The following FHIP1A variants were observed in gnomAD, a reference collection of about 807,000 sequenced individuals.
FHIP1A encodes the protein FHF complex subunit HOOK interacting protein 1A, also known as FHF complex subunit HOOK-interacting protein 1A.
A neutral mutation model predicts 88.6 loss-of-function variants in FHIP1A; 61 were observed. The observed-to-expected ratio is 0.69, with a 90% confidence interval of 0.56 to 0.85. The LOEUF is 0.85. FHIP1A is among the 40% of genes least tolerant of loss of function. The pLI, the probability that FHIP1A is intolerant of heterozygous loss-of-function variation, is 0.00. For synonymous variants in FHIP1A, 478 were observed against 496.0 expected (o/e 0.96, Z 0.48); for missense variants, 1,154 against 1,273.5 (o/e 0.91, Z 1.43).
chr4:151,489,420 T>C lies in FHIP1A; in HGVS notation c.-123+6772T>C, dbSNP rs1031918141. Among the ~76,000 whole-genome samples the C allele has an allele frequency of 2.0e-5, 3 of 152,032 alleles. No individual in the cohort carries two copies. In the East Asian group the frequency reaches 5.8e-4, roughly 29 times the overall value. On this transcript the variant is annotated intron_variant, in intron 3 of 13. Transcript: ENST00000435205. The stretch of plus-strand genomic sequence containing the variant: ...ACTCCTAGCTGAACTTTGTAATAAT[T>C]TTGACTGAGCACGAATTTTCCTGAG...
rs1560829289 is a variant in FHIP1A, at chr4:151,662,487, C to G, written c.2870-14C>G. The G allele has an allele frequency of 6.6e-7, 1 of 1,510,646 alleles. No homozygotes were observed. Among genetic ancestry groups the G allele is most frequent in the East Asian group, 2.5e-5 (1 of 40,324 alleles). 93.6% of individuals were successfully genotyped at this position (1,510,646 alleles called of 1,614,324 possible). On this transcript the variant is annotated splice_polypyrimidine_tract_variant and intron_variant, in intron 13 of 13. Coordinates refer to ENST00000435205, the MANE Select transcript of FHIP1A (RefSeq NM_001109977.3). The stretch of plus-strand genomic sequence containing the variant: ...TATGGAGGGACACCATGATGGTTTT[C>G]TTTCTGCTTTCAGATCCCATTCAGG...
intron 3 of FHIP1A, among the ~76,000 whole-genome samples, chr4:151,562,410 G>A (rs1051551171): frequency 2.0e-5 from 3 of 152,110 alleles, no homozygotes; most frequent in Non-Finnish European, 4.4e-5. Flanking sequence ...CTGTGTTCTT[G>A]ATCTCACCTT....
In FHIP1A at chr4:151,444,131, C is replaced by T. The variant is rs1580571725; in HGVS notation, c.-355-10570C>T. On this transcript the variant is annotated intron_variant, in intron 1 of 13. Transcript: ENST00000435205. Reference sequence around the variant, plus strand: ...CGTCTGTGAGCGCATACTCCTTACCCTGTGTTCCAGGAATTTGTTGAAATC... The same window carrying T: ...CGTCTGTGAGCGCATACTCCTTACCTTGTGTTCCAGGAATTTGTTGAAATC... 2.0e-5 allele frequency among the ~76,000 whole-genome samples: 3 copies of T among 152,162 alleles called. No homozygotes were observed. In the South Asian group the frequency reaches 6.2e-4, roughly 32 times the overall value.
intron 7 of FHIP1A, among the ~76,000 whole-genome samples, chr4:151,598,088 A>C (rs1354994350): frequency 2.6e-5 from 4 of 151,968 alleles, no homozygotes; most frequent in African/African-American, 9.7e-5. Context: ...TAAAAAAAAA[A>C]CAGCTCTTGC....
At chr4:151,450,300 C>T (rs1728746548) in intron 1 of FHIP1A, among the ~76,000 whole-genome samples, 1 of 152,112 alleles carries the variant, frequency 6.6e-6, no homozygotes, top group African/African-American at 2.4e-5. Context: ...TGATTTCACT[C>T]AAATAAGATC....
intron 2 of FHIP1A, among the ~76,000 whole-genome samples, chr4:151,468,752 T>C (rs532710051): frequency 1.3e-5 from 2 of 152,302 alleles, no homozygotes; most frequent in East Asian, 3.9e-4. Context: ...AGGGCCTCAT[T>C]TGTCTGAATA....
At chr4:151,437,783 T>C (rs887494103) in intron 1 of FHIP1A, among the ~76,000 whole-genome samples, 7 of 152,188 alleles carry the variant, frequency 4.6e-5, no homozygotes, top group African/African-American at 1.7e-4. Flanking sequence ...AGAAAGCCTA[T>C]TGAAATGAAG....
chr4:151,438,446 T>C (rs1728285435), intron 1 of FHIP1A, among the ~76,000 whole-genome samples: 1 of 152,076 alleles, frequency 6.6e-6, no homozygotes, highest in African/African-American at 2.4e-5. Flanking sequence ...TTAATTCTTT[T>C]CATTGTATTT....
chr4:151,515,868 T>C (rs1445053242), intron 3 of FHIP1A, among the ~76,000 whole-genome samples: 1 of 152,128 alleles, frequency 6.6e-6, no homozygotes, highest in Admixed American at 6.5e-5. Context: ...AAAATGGCCA[T>C]ACTGCCCAAG....
chr4:151,418,193 AAAC>A (rs1561486637), intron 1 of FHIP1A, among the ~76,000 whole-genome samples: 1 of 151,290 alleles, frequency 6.6e-6, no homozygotes, highest in African/African-American at 2.4e-5. Flanking sequence ...AAAAAAAAAA[AAAC>A]AAGAGAAACT....
chr4:151,462,897 G>A (rs536462170), intron 2 of FHIP1A, among the ~76,000 whole-genome samples: 2 of 152,250 alleles, frequency 1.3e-5, no homozygotes, highest in African/African-American at 2.4e-5. Context: ...ACTTAGTATT[G>A]TATTTTATGC....
At chr4:151,625,098 G>A (rs1420278448) in intron 7 of FHIP1A, among the ~76,000 whole-genome samples, 1 of 152,228 alleles carries the variant, frequency 6.6e-6, no homozygotes, top group Admixed American at 6.5e-5. Context: ...GGCAGCAGCG[G>A]GTAGGCTCGT....
rs1040393362 is a variant in FHIP1A at position 151,566,277 on chromosome 4, G to A, written c.18G>A (p.Ser6=). 19 of 1,549,648 alleles carry A rather than the reference G, an allele frequency of 1.2e-5. No individual in the cohort carries two copies. The highest frequency in any genetic ancestry group is 7.9e-5 in the Admixed American group (4 of 50,888). Residue 6 remains serine, a synonymous_variant, in exon 4 of 14, where the codon TCG becomes TCA. Coordinates refer to ENST00000435205, the MANE Select transcript of FHIP1A (RefSeq NM_001109977.3). ...GAAGGCTTATGATGTCATCGGTTTC[G>A]ACAGAAAGCAAACTCCAGCAGGCTG... is the stretch of plus-strand genomic sequence containing the variant. The part of the protein sequence containing the change: MMSSV[S]TESKLQQAVS...
intron 7 of FHIP1A, among the ~76,000 whole-genome samples, chr4:151,602,338 A>G (rs1003825247): frequency 1.3e-5 from 2 of 152,220 alleles, no homozygotes; most frequent in African/African-American, 4.8e-5. Context: ...TGTTTGTTCA[A>G]AGACCATTTA....
chr4:151,550,248 T>A (rs1732673365), intron 3 of FHIP1A, among the ~76,000 whole-genome samples: 1 of 152,130 alleles, frequency 6.6e-6, no homozygotes, highest in Admixed American at 6.5e-5. Flanking sequence ...ACTATCCAAT[T>A]GTACTCTGAT....
At chr4:151,416,252 G>C (rs1048669981) in intron 1 of FHIP1A, among the ~76,000 whole-genome samples, 2 of 152,152 alleles carry the variant, frequency 1.3e-5, no homozygotes, top group African/African-American at 2.4e-5. Context: ...AGTTTTTACT[G>C]AATGTCTAAA....
intron 7 of FHIP1A, among the ~76,000 whole-genome samples, chr4:151,602,100 G>A (rs752985847): frequency 6.6e-5 from 10 of 152,038 alleles, no homozygotes; most frequent in Non-Finnish European, 1.3e-4. Flanking sequence ...TCCTTCCCAC[G>A]ACATGTGGGA....
intron 7 of FHIP1A, 21 bp downstream of exon 7, chr4:151,588,947 A>G (rs375886113): frequency 6.9e-7 from 1 of 1,440,510 alleles, no homozygotes; most frequent in East Asian, 2.5e-5. Context: ...GGCTCATGTA[A>G]TCTTCTGTCT....
intron 3 of FHIP1A, among the ~76,000 whole-genome samples, chr4:151,491,596 G>A (rs1580627775): frequency 6.6e-6 from 1 of 151,882 alleles, no homozygotes; most frequent in East Asian, 1.9e-4. Context: ...AAAACACAAG[G>A]TATTGAGGCA....
Sources: allele counts gnomAD v4.1 joint callset (sites outside exome capture counted in the v4.1 genomes callset), GRCh38; gene constraint gnomAD v4.1.1; transcripts MANE v1.5; gene names NCBI Gene and HGNC (gene_info 2026-07-23, HGNC 2026-07-21).